PAK1: variants seen among roughly 807,000 people sequenced by gnomAD.
PAK1 encodes the protein p21 (RAC1) activated kinase 1.
PAK1 carries 29 observed loss-of-function variants against 67.4 expected under a neutral mutation model. That is an observed-to-expected ratio of 0.43 (90% confidence interval 0.32 to 0.59). PAK1 has a LOEUF of 0.59. PAK1 is among the 20% of genes least tolerant of loss of function. The pLI, the probability that PAK1 is intolerant of heterozygous loss-of-function variation, is 0.07. For missense variants in PAK1, 337 were observed against 670.7 expected (o/e 0.50, Z 5.50); for synonymous variants, 223 against 237.4 (o/e 0.94, Z 0.56).
intron 1 of PAK1, among the ~76,000 whole-genome samples, chr11:77,408,540 C>CACACAA: frequency 6.6e-6 from 1 of 150,974 alleles, no homozygotes; most frequent in East Asian, 1.9e-4. Flanking sequence ...AATACACACA[C>CACACAA]ACACACACAC....
rs757488945 is a variant in PAK1, at chr11:77,323,247, C to A, written c.*27G>T. On this transcript the variant is annotated 3_prime_UTR_variant, in exon 15 of 15. Transcript: ENST00000356341. The stretch of plus-strand genomic sequence containing the variant: ...TGCATTTATCTCACAGAAGGCTTGG[C>A]ACAATGAGGCTGGGGTGAGTGTGGT... 7 of 1,613,354 alleles carry A rather than the reference C, an allele frequency of 4.3e-6. No homozygotes were observed. In the East Asian group the frequency reaches 1.6e-4, roughly 36 times the overall value.
At position 77,451,663 on chromosome 11, in the gene PAK1, G is replaced by A. The variant is rs185435240; in HGVS notation, c.-22+21889C>T. On this transcript the variant is annotated intron_variant, in intron 1 of 14. Coordinates refer to ENST00000356341, the MANE Select transcript of PAK1 (RefSeq NM_002576.5). Reference sequence around the variant, plus strand: ...CGCCCAGGCTGGAGTGCAGTGGCACGATTTCTGCTCACTGCAAGCTCCGCC... The same window carrying A: ...CGCCCAGGCTGGAGTGCAGTGGCACAATTTCTGCTCACTGCAAGCTCCGCC... Among the ~76,000 whole-genome samples the A allele has an allele frequency of 1.5e-3, 208 of 142,492 alleles. 7 individuals carry two copies. The highest frequency in any genetic ancestry group is 5.6e-3 in the African/African-American group (200 of 35,600). 93.5% of individuals were successfully genotyped at this position (142,492 alleles called of 152,430 possible). A position where few individuals can be genotyped will look rare whatever the true frequency, so the allele number is the denominator to read the frequency against.
intron 1 of PAK1, among the ~76,000 whole-genome samples, chr11:77,406,398 G>A (rs777689188): frequency 6.6e-6 from 1 of 152,284 alleles, no homozygotes; most frequent in Non-Finnish European, 1.5e-5. Flanking sequence ...TAAGTGATAA[G>A]CTTTGTAAAG....
intron 2 of PAK1, among the ~76,000 whole-genome samples, chr11:77,380,466 C>T (rs958914723): frequency 2.6e-5 from 4 of 152,112 alleles, no homozygotes; most frequent in Non-Finnish European, 5.9e-5. Flanking sequence ...GCATTCCAGC[C>T]TGGGTGACAG....
intron 11 of PAK1, 29 bp from the exon 12 acceptor site, chr11:77,337,452 A>G: frequency 2.6e-6 from 3 of 1,167,908 alleles, no homozygotes; most frequent in Non-Finnish European, 3.8e-6. Flanking sequence ...CAGGGGGAGA[A>G]AGAAAGGACA....
chr11:77,324,785 A>G (rs1307061370), intron 14 of PAK1, among the ~76,000 whole-genome samples: 2 of 148,548 alleles, frequency 1.3e-5, no homozygotes, highest in Admixed American at 6.6e-5. Context: ...ACAGAGAGAG[A>G]GAGAGACAGA....
intron 14 of PAK1, chr11:77,325,259 TAA>T (rs1939504933): frequency 3.1e-6 from 5 of 1,595,716 alleles, no homozygotes; most frequent in Non-Finnish European, 4.3e-6. Flanking sequence ...TTGAGCCTAT[TAA>T]GAGCAGTGGC....
intron 1 of PAK1, among the ~76,000 whole-genome samples, chr11:77,393,469 A>G (rs1951425064): frequency 6.6e-6 from 1 of 152,002 alleles, no homozygotes; most frequent in Admixed American, 6.6e-5. Flanking sequence ...TAATTAAAAA[A>G]AATTTTTTTG....
the PAK1 span, among the ~76,000 whole-genome samples, chr11:77,521,002 T>G: frequency 6.6e-6 from 1 of 152,196 alleles, no homozygotes; most frequent in African/African-American, 2.4e-5. Flanking sequence ...TTTATCCATA[T>G]ATGCCCTATC....
chr11:77,355,362 G>C (rs1945867520), intron 7 of PAK1, among the ~76,000 whole-genome samples: 1 of 151,992 alleles, frequency 6.6e-6, no homozygotes, highest in Admixed American at 6.6e-5. Context: ...TCTCAACATG[G>C]CATTCTAGGC....
chr11:77,451,144 C>CT (rs962543473), intron 1 of PAK1, among the ~76,000 whole-genome samples: 43 of 152,332 alleles, frequency 2.8e-4, no homozygotes, highest in African/African-American at 1.0e-3. Flanking sequence ...CCAGCCACCA[C>CT]TTTGATTCTT....
In PAK1 at chr11:77,323,087, A is replaced by T; in HGVS notation, c.*187T>A. 2.0e-6 allele frequency: 2 copies of T among 1,011,750 alleles called. No homozygotes were observed. Among genetic ancestry groups the T allele is most frequent in the Non-Finnish European group, 3.0e-6 (2 of 664,830 alleles). 62.7% of individuals were successfully genotyped at this position (1,011,750 alleles called of 1,614,324 possible). A position where few individuals can be genotyped will look rare whatever the true frequency, so the allele number is the denominator to read the frequency against. On this transcript the variant is annotated 3_prime_UTR_variant, in exon 15 of 15. Coordinates refer to ENST00000356341, the MANE Select transcript of PAK1 (RefSeq NM_002576.5). ...ATTTAGAAATGGCCATCATCTGATT[A>T]GTCATTCAGTTGCAGTTCTCTTCAA...
At chr11:77,388,833 T>C (rs1323491026) in intron 2 of PAK1, among the ~76,000 whole-genome samples, 1 of 152,224 alleles carries the variant, frequency 6.6e-6, no homozygotes, top group Admixed American at 6.5e-5. Flanking sequence ...GCACATAAGA[T>C]TGTCCCTCCA....
At chr11:77,329,672 A>G (rs1940974276) in intron 14 of PAK1, among the ~76,000 whole-genome samples, 1 of 151,524 alleles carries the variant, frequency 6.6e-6, no homozygotes, top group South Asian at 2.1e-4. Flanking sequence ...CCCACAGCCA[A>G]TATCATACTG....
At position 77,421,967 on chromosome 11, in the gene PAK1, C is replaced by T. The variant is rs148115189; in HGVS notation, c.-21-29426G>A. ...AATCCCATAAGTTTTCCTCCCTTTG[C>T]TTATCCTTTAGGACCCAGCTTAAAT... is the stretch of plus-strand genomic sequence containing the variant. On this transcript the variant is annotated intron_variant, in intron 1 of 14. Transcript: ENST00000356341. Among the ~76,000 whole-genome samples the T allele has an allele frequency of 4.7e-3, 720 of 152,274 alleles. 2 individuals are homozygous for T. Among genetic ancestry groups the T allele is most frequent in the Non-Finnish European group, 7.2e-3 (490 of 68,012 alleles).
chr11:77,520,711 C>T, the PAK1 span, among the ~76,000 whole-genome samples: 1 of 152,120 alleles, frequency 6.6e-6, no homozygotes, highest in African/African-American at 2.4e-5. Context: ...AAAAAGAAGG[C>T]AGTTTTTCGA....
At chr11:77,370,450 G>A (rs943748261) in intron 5 of PAK1, among the ~76,000 whole-genome samples, 10 of 152,178 alleles carry the variant, frequency 6.6e-5, no homozygotes, top group African/African-American at 2.4e-4. Flanking sequence ...TAAGGAGGAG[G>A]CTGCCCCTAC....
chr11:77,502,606 G>A, the PAK1 span, among the ~76,000 whole-genome samples: 1 of 152,204 alleles, frequency 6.6e-6, no homozygotes, highest in Non-Finnish European at 1.5e-5. Flanking sequence ...ATAGCTGGAA[G>A]AGACCTGCCC....
intron 8 of PAK1, among the ~76,000 whole-genome samples, chr11:77,350,302 G>A (rs1591831369): frequency 6.6e-6 from 1 of 152,060 alleles, no homozygotes; most frequent in Admixed American, 6.6e-5. Context: ...AGATCTGAGG[G>A]TACCTCTGCC....
Sources: gnomAD v4.1 joint callset for allele counts (sites outside exome capture counted in the v4.1 genomes callset) on GRCh38, gnomAD v4.1.1 for gene constraint, MANE v1.5 for transcripts, NCBI Gene and HGNC (gene_info 2026-07-23, HGNC 2026-07-21) for gene names.